The following DLC1 variants were observed in gnomAD, a reference collection of about 807,000 sequenced individuals.
DLC1 encodes the protein rho GTPase-activating protein 7.
Under a neutral mutation model 140.3 loss-of-function variants are expected in DLC1, and 54 were observed. That is an observed-to-expected ratio of 0.38 (90% CI 0.31 to 0.48). The LOEUF is 0.48. Ranked by LOEUF, DLC1 falls within the 20% of genes least tolerant of loss-of-function variation. The pLI, the probability that DLC1 is intolerant of heterozygous loss-of-function variation, is 0.96. For synonymous variants in DLC1, 986 were observed against 728.1 expected, an observed-to-expected ratio of 1.35 and a Z score of -5.70; for missense variants, 2,536 against 1,907.0, an observed-to-expected ratio of 1.33 and a Z score of -6.14.
At chr8:13,256,449 T>C (rs879693976) in intron 5 of DLC1, among the ~76,000 whole-genome samples, 1 of 152,124 alleles carries the variant, frequency 6.6e-6, no homozygotes, top group Non-Finnish European at 1.5e-5. Context: ...CTATTCACAA[T>C]AGCAAAGACT....
intron 5 of DLC1, among the ~76,000 whole-genome samples, chr8:13,132,511 G>C (rs1822192837): frequency 6.6e-6 from 1 of 152,124 alleles, no homozygotes; most frequent in Non-Finnish European, 1.5e-5. Context: ...TTTGATTTTG[G>C]ACTAAGCTGG....
At chr8:13,133,065 G>T (rs1160872877) in intron 5 of DLC1, 1 of 1,554,784 alleles carries the variant, frequency 6.4e-7, no homozygotes, top group Non-Finnish European at 8.7e-7. Flanking sequence ...GACCCACGGC[G>T]GCACCCGAGA....
chr8:13,114,910 C>T (rs768402506), intron 6 of DLC1, among the ~76,000 whole-genome samples: 4 of 152,112 alleles, frequency 2.6e-5, no homozygotes, highest in Admixed American at 6.5e-5. Flanking sequence ...CGGGCACTTT[C>T]GAAAAGCTTG....
At chr8:13,089,933 C>T (rs924117902) in intron 15 of DLC1, among the ~76,000 whole-genome samples, 2 of 152,164 alleles carry the variant, frequency 1.3e-5, no homozygotes, top group Non-Finnish European at 2.9e-5. Context: ...AAAATCGAAG[C>T]GTGTCATAGG....
chr8:13,215,576 C>T (rs575904982), intron 5 of DLC1, among the ~76,000 whole-genome samples: 3 of 152,040 alleles, frequency 2.0e-5, no homozygotes, highest in East Asian at 3.9e-4. Context: ...ACAGAGAAGA[C>T]CCTATCTCAA....
chr8:13,244,720 C>A (rs1829688266), intron 5 of DLC1, among the ~76,000 whole-genome samples: 1 of 152,126 alleles, frequency 6.6e-6, no homozygotes, highest in Non-Finnish European at 1.5e-5. Context: ...CTGATGGACT[C>A]TCACCCACCT....
chr8:13,265,733 C>T (rs997128017), intron 5 of DLC1, among the ~76,000 whole-genome samples: 1 of 151,674 alleles, frequency 6.6e-6, no homozygotes, highest in Non-Finnish European at 1.5e-5. Context: ...TCCTCCCCTC[C>T]CCTTCCCTCC....
intron 2 of DLC1, among the ~76,000 whole-genome samples, chr8:13,433,535 A>C (rs574045577): frequency 3.3e-5 from 5 of 152,230 alleles, no homozygotes; most frequent in Admixed American, 6.5e-5. Flanking sequence ...AAAGTGATAA[A>C]TCCAACTATA....
chr8:13,574,583 T>C (rs1402057847), intron 1 of DLC1, among the ~76,000 whole-genome samples: 1 of 152,106 alleles, frequency 6.6e-6, no homozygotes. Flanking sequence ...TAGTACATAA[T>C]TATACAAATG....
At chr8:13,439,480 CT>C (rs975583051) in intron 2 of DLC1, among the ~76,000 whole-genome samples, 326 of 146,784 alleles carry the variant, frequency 2.2e-3, no homozygotes, top group East Asian at 6.8e-3. Context: ...TTTTTCTTTT[CT>C]TTTTTTTTTT....
At chr8:13,560,902 G>A (rs1278568128) in intron 1 of DLC1, among the ~76,000 whole-genome samples, 1 of 151,942 alleles carries the variant, frequency 6.6e-6, no homozygotes, top group African/African-American at 2.4e-5. Flanking sequence ...CCCTCAGAAG[G>A]AACCAACCCT....
chr8:13,319,878 A>G (rs565487165), intron 4 of DLC1, among the ~76,000 whole-genome samples: 23 of 118,146 alleles, frequency 1.9e-4, no homozygotes, highest in African/African-American at 7.4e-4. Context: ...GCTGCAGTGC[A>G]CTGGTGTAAT....
At chr8:13,525,546 A>C (rs1445994703) in intron 1 of DLC1, among the ~76,000 whole-genome samples, 1 of 152,176 alleles carries the variant, frequency 6.6e-6, no homozygotes, top group Non-Finnish European at 1.5e-5. Context: ...ATGTATGGTC[A>C]TTTCTCATTG....
intron 5 of DLC1, among the ~76,000 whole-genome samples, chr8:13,195,352 A>G (rs747720691): frequency 1.3e-5 from 2 of 152,184 alleles, no homozygotes; most frequent in Non-Finnish European, 2.9e-5. Flanking sequence ...AGCTGTTTCA[A>G]TCAATCATGT....
At chr8:13,191,757 G>A (rs1178580770) in intron 5 of DLC1, among the ~76,000 whole-genome samples, 2 of 152,062 alleles carry the variant, frequency 1.3e-5, no homozygotes, top group Admixed American at 1.3e-4. Context: ...TGTCCAGGCT[G>A]TGTGTGACTG....
chr8:13,473,333 T>G (rs1182596227), intron 2 of DLC1, among the ~76,000 whole-genome samples: 1 of 152,194 alleles, frequency 6.6e-6, no homozygotes, highest in East Asian at 1.9e-4. Context: ...TCCCATGCTG[T>G]TCCCGTGATA....
intron 1 of DLC1, among the ~76,000 whole-genome samples, chr8:13,559,757 T>C (rs939472253): frequency 1.3e-5 from 2 of 152,222 alleles, no homozygotes; most frequent in African/African-American, 4.8e-5. Context: ...CAAAAGTATG[T>C]AACTCAAATT....
intron 7 of DLC1, among the ~76,000 whole-genome samples, chr8:13,105,902 T>C (rs1819526551): frequency 6.6e-6 from 1 of 152,126 alleles, no homozygotes; most frequent in Non-Finnish European, 1.5e-5. Flanking sequence ...CTAATATAAA[T>C]ATTAATGGTA....
At position 13,521,966 on chromosome 8, in the gene DLC1, C is replaced by A. The variant is rs375770200; in HGVS notation, c.-125-21770G>T. Among the ~76,000 whole-genome samples the A allele has an allele frequency of 7.1e-4, 108 of 152,242 alleles. 1 individual carries two copies. The highest frequency in any genetic ancestry group is 3.4e-3 in the Middle Eastern group (1 of 294). ...AACATGTGTCATATCACAGCTGCAC[C>A]TTTTTCTTCCCAGGTGAGGCCCTCA... On this transcript the variant is annotated intron_variant, in intron 1 of 1. Transcript: ENST00000631382.
Sources: gnomAD v4.1 joint callset for allele counts (sites outside exome capture counted in the v4.1 genomes callset) on GRCh38, gnomAD v4.1.1 for gene constraint, MANE v1.5 for transcripts, NCBI Gene and HGNC (gene_info 2026-07-23, HGNC 2026-07-21) for gene names.